Variants in MTF2 observed in about 807,000 individuals in gnomAD.
The protein encoded by MTF2 is metal-response element-binding transcription factor 2.
MTF2 carries 11 observed loss-of-function variants against 79.5 expected under a neutral mutation model. The ratio of observed to expected loss-of-function variants is 0.14; its 90% CI spans 0.09 to 0.23. The LOEUF is 0.23. Among genes scored for constraint, MTF2 ranks in the 10% least tolerant of loss-of-function variants. The pLI is 1.00. For synonymous variants in MTF2, 208 were observed against 232.8 expected (o/e 0.89, Z 0.97); for missense variants, 486 against 711.2 (o/e 0.68, Z 3.60).
Position 93,115,453 on chromosome 1 carries a change from T to C in MTF2, c.484-17T>C. The C allele has an allele frequency of 1.3e-6, 2 of 1,529,062 alleles. No homozygotes were observed. Among genetic ancestry groups the C allele is most frequent in the Non-Finnish European group, 1.8e-6 (2 of 1,136,748 alleles). The allele number at this position is 1,529,062 out of a possible 1,614,324, so 94.7% of individuals were successfully genotyped here. A position where few individuals can be genotyped will look rare whatever the true frequency, so the allele number is the denominator to read the frequency against. On this transcript the variant is annotated splice_polypyrimidine_tract_variant and intron_variant, in intron 5 of 14. Transcript: ENST00000370298. The stretch of plus-strand genomic sequence containing the variant: ...TTTTAGCCTTCACTCTTTCACATTT[T>C]TTTCCCTCTAATGTAGAGGGGTGGT...
chr1:93,123,236 G>C (rs1184650208), intron 9 of MTF2, among the ~76,000 whole-genome samples: 1 of 125,106 alleles, frequency 8.0e-6, no homozygotes, highest in Admixed American at 8.5e-5. Context: ...TTTTTTAAGA[G>C]ACAGGACAGG....
intron 1 of MTF2, among the ~76,000 whole-genome samples, chr1:93,083,581 C>G (rs1344091015): frequency 1.3e-5 from 2 of 152,062 alleles, no homozygotes; most frequent in Non-Finnish European, 2.9e-5. Flanking sequence ...GTACACATAT[C>G]TAGGAGTGAA....
intron 11 of MTF2, 42 bp downstream of exon 11, chr1:93,129,490 T>A (rs141064624): frequency 7.1e-7 from 1 of 1,412,222 alleles, no homozygotes; most frequent in East Asian, 2.4e-5. Context: ...TTTAGCTTAT[T>A]TGTAACTAAA....
At chr1:93,133,534 A>G (rs1347842448) in intron 11 of MTF2, among the ~76,000 whole-genome samples, 169 bp from the exon 12 acceptor site, 5 of 152,092 alleles carry the variant, frequency 3.3e-5, no homozygotes, top group African/African-American at 1.2e-4. Flanking sequence ...GGATTAGAAT[A>G]TATTATCTGT....
chr1:93,089,373 CTT>C (rs1375330141), intron 1 of MTF2, among the ~76,000 whole-genome samples: 6 of 152,050 alleles, frequency 3.9e-5, no homozygotes, highest in Non-Finnish European at 5.9e-5. Context: ...TAAATACAGA[CTT>C]TGATTAGTTT....
chr1:93,099,566 A>G (rs2749732), intron 1 of MTF2, among the ~76,000 whole-genome samples: 19,740 of 152,208 alleles, frequency 0.13, 1,547 homozygotes, highest in East Asian at 0.28. Flanking sequence ...AATATTTTCA[A>G]CATTAAATTC....
At chr1:93,125,533 C>G (rs1439421952) in intron 9 of MTF2, among the ~76,000 whole-genome samples, 1 of 151,918 alleles carries the variant, frequency 6.6e-6, no homozygotes, top group East Asian at 1.9e-4. Context: ...ACCTTCAATT[C>G]TAGAAGGATG....
chr1:93,085,398 C>T (rs1654793816), intron 1 of MTF2, among the ~76,000 whole-genome samples: 3 of 150,688 alleles, frequency 2.0e-5, no homozygotes, highest in African/African-American at 2.4e-5. Context: ...AGGATGGTCT[C>T]GATCTCCTGA....
At chr1:93,102,184 T>G (rs1465801175) in intron 1 of MTF2, among the ~76,000 whole-genome samples, 2 of 152,346 alleles carry the variant, frequency 1.3e-5, no homozygotes, top group Middle Eastern at 3.4e-3. Context: ...GAAGAATGTT[T>G]GCAATATGTA....
chr1:93,099,528 A>G (rs796364858), intron 1 of MTF2, among the ~76,000 whole-genome samples: 44 of 152,270 alleles, frequency 2.9e-4, no homozygotes, highest in African/African-American at 9.6e-4. Flanking sequence ...GAATAGTATC[A>G]AACTTCCGAG....
At chr1:93,114,221 T>G (rs1404128212) in intron 3 of MTF2, among the ~76,000 whole-genome samples, 1 of 152,246 alleles carries the variant, frequency 6.6e-6, no homozygotes, top group Non-Finnish European at 1.5e-5. Flanking sequence ...ATGCTCTGAA[T>G]TGAGCGAGAA....
At chr1:93,087,093 G>A (rs1452296905) in intron 1 of MTF2, among the ~76,000 whole-genome samples, 1 of 152,176 alleles carries the variant, frequency 6.6e-6, no homozygotes, top group Non-Finnish European at 1.5e-5. Flanking sequence ...GAGGTCAGAT[G>A]TGGAATTTTT....
chr1:93,087,918 G>A (rs1227007231), intron 1 of MTF2, among the ~76,000 whole-genome samples: 3 of 143,012 alleles, frequency 2.1e-5, no homozygotes, highest in Non-Finnish European at 3.1e-5. Context: ...GCATTATTAG[G>A]AGGAGAAAAT....
At chr1:93,103,548 T>C (rs1571228186) in intron 1 of MTF2, among the ~76,000 whole-genome samples, 1 of 152,016 alleles carries the variant, frequency 6.6e-6, no homozygotes, top group African/African-American at 2.4e-5. Flanking sequence ...ATTATAAATA[T>C]GTAGTACAAA....
At position 93,079,427 on chromosome 1, in the gene MTF2, G is replaced by A. The variant is rs1054128509; in HGVS notation, c.-100G>A. 3 of 1,468,756 alleles carry A rather than the reference G, an allele frequency of 2.0e-6. No homozygotes were observed. The highest frequency in any genetic ancestry group is 1.4e-5 in the African/African-American group (1 of 72,030). The allele number at this position is 1,468,756 out of a possible 1,614,324, so 91.0% of individuals were successfully genotyped here. ...ATATGTGCCGGGTACCCGGTGGGGC[G>A]GGTGCCCAGTAAGTGCTCGGACTCG... On this transcript the variant is annotated 5_prime_UTR_variant, in exon 1 of 15. Coordinates refer to ENST00000370298, the MANE Select transcript of MTF2 (RefSeq NM_007358.4).
intron 1 of MTF2, among the ~76,000 whole-genome samples, chr1:93,104,570 C>G (rs1655681303): frequency 6.7e-6 from 1 of 149,236 alleles, no homozygotes; most frequent in East Asian, 2.0e-4. Flanking sequence ...TCCCAGCTAT[C>G]CGGGAGGCTG....
intron 1 of MTF2, among the ~76,000 whole-genome samples, chr1:93,083,953 C>G (rs1227765487): frequency 2.0e-5 from 3 of 152,152 alleles, no homozygotes; most frequent in Non-Finnish European, 2.9e-5. Context: ...AGCCTGTTAT[C>G]AGATATGATT....
At chr1:93,087,184 G>A (rs1654880639) in intron 1 of MTF2, among the ~76,000 whole-genome samples, 1 of 152,154 alleles carries the variant, frequency 6.6e-6, no homozygotes, top group Non-Finnish European at 1.5e-5. Flanking sequence ...TGCTCAACTT[G>A]TATTAGTATC....
In MTF2 at chr1:93,094,416, CTTA is replaced by C. The variant is rs554376905; in HGVS notation, c.5+14891_5+14893del. 3.2e-3 allele frequency among the ~76,000 whole-genome samples: 493 copies of C among 152,126 alleles called. 2 individuals are homozygous for C. The highest frequency in any genetic ancestry group is 0.011 in the African/African-American group (455 of 41,522). ...GTGGTGATTATTTTTTCTTTGTAGT[CTTA>C]TTATTCAGATGTGCATTTTGAGGGT... On this transcript the variant is annotated intron_variant, in intron 1 of 14. Transcript: ENST00000370298.
Sources: gnomAD v4.1 joint callset for allele counts (sites outside exome capture counted in the v4.1 genomes callset) on GRCh38, gnomAD v4.1.1 for gene constraint, MANE v1.5 for transcripts, NCBI Gene and HGNC (gene_info 2026-07-23, HGNC 2026-07-21) for gene names.